The following CFHR4 variants were observed in gnomAD, a reference collection of about 807,000 sequenced individuals.
CFHR4 encodes the protein complement factor H-related protein 4.
In CFHR4, 64 loss-of-function variants were observed where a neutral mutation model predicts 69.3. That is an observed-to-expected ratio of 0.92 (90% CI 0.76 to 1.14). CFHR4 has a LOEUF of 1.14. Among genes scored for constraint, CFHR4 ranks in the 50% most tolerant of loss-of-function variants. The pLI is 0.00. For synonymous variants in CFHR4, 244 were observed against 237.0 expected, an observed-to-expected ratio of 1.03 and a Z score of -0.27; for missense variants, 636 against 684.9, an observed-to-expected ratio of 0.93 and a Z score of 0.80.
chr1:196,902,069 A>AGGG (rs1657645284), intron 1 of CFHR4, among the ~76,000 whole-genome samples: 1 of 151,534 alleles, frequency 6.6e-6, no homozygotes. Flanking sequence ...AAGAACAGGC[A>AGGG]GGGCTCTGAT....
chr1:196,897,016 A>G (rs974256491), intron 1 of CFHR4, among the ~76,000 whole-genome samples: 2 of 151,652 alleles, frequency 1.3e-5, no homozygotes, highest in Non-Finnish European at 2.9e-5. Context: ...TTAGGTATCA[A>G]ACATAAACAC....
At chr1:196,904,234 A>G (rs1400554836) in intron 2 of CFHR4, among the ~76,000 whole-genome samples, 2 of 151,636 alleles carry the variant, frequency 1.3e-5, no homozygotes, top group Non-Finnish European at 2.9e-5. Flanking sequence ...TACGAGAGAA[A>G]CTGAATACTG....
intron 5 of CFHR4, 116 bp from the exon 6 acceptor site, chr1:196,910,165 A>G (rs1658173159): frequency 1.5e-6 from 1 of 675,416 alleles, no homozygotes; most frequent in East Asian, 3.0e-5. Flanking sequence ...AAAAAAAAAA[A>G]GTAAAGAAAA....
rs1001400425 is a variant in CFHR4 at position 196,918,603 on chromosome 1, C to T, written c.*197C>T. 1.8e-6 allele frequency: 1 copy of T among 547,276 alleles called. No individual in the cohort carries two copies. The highest frequency in any genetic ancestry group is 1.9e-5 in the African/African-American group (1 of 51,750). The allele number at this position is 547,276 out of a possible 1,614,324, so 33.9% of individuals were successfully genotyped here. On this transcript the variant is annotated 3_prime_UTR_variant, in exon 10 of 10. Transcript: ENST00000608469. ...AACTAAATTATTGCTTATGCTTGTACTAAAATAATAAAAACTACCCTTATA... is the reference window on the plus strand; with the variant it reads ...AACTAAATTATTGCTTATGCTTGTATTAAAATAATAAAAACTACCCTTATA...
chr1:196,908,612 C>A (rs1054836774), intron 5 of CFHR4, among the ~76,000 whole-genome samples: 1 of 150,530 alleles, frequency 6.6e-6, no homozygotes, highest in Non-Finnish European at 1.5e-5. Context: ...ATCCTATGAA[C>A]TTGAAGAAAC....
At position 196,914,479 on chromosome 1, in the gene CFHR4, T is replaced by G; in HGVS notation, c.1181-16T>G. The G allele has an allele frequency of 6.2e-7, 1 of 1,602,568 alleles. No individual in the cohort carries two copies. The highest frequency in any genetic ancestry group is 1.1e-5 in the South Asian group (1 of 89,482). On this transcript the variant is annotated splice_polypyrimidine_tract_variant and intron_variant, in intron 7 of 9. Transcript: ENST00000608469. ...TATGGCATAGAAAAGCAATCCTCAA[T>G]TTTATTTTGTTTCAGAATTTTGTGA... is the stretch of plus-strand genomic sequence containing the variant.
At chr1:196,897,854 G>A (rs1377008055) in intron 1 of CFHR4, among the ~76,000 whole-genome samples, 1 of 151,326 alleles carries the variant, frequency 6.6e-6, no homozygotes, top group African/African-American at 2.4e-5. Context: ...ATTTAGGGTC[G>A]GGGTGGGGCC....
At chr1:196,893,574 CTT>C (rs1385825000) in intron 1 of CFHR4, among the ~76,000 whole-genome samples, 1 of 151,462 alleles carries the variant, frequency 6.6e-6, no homozygotes, top group Non-Finnish European at 1.5e-5. Context: ...TAATTTTTGA[CTT>C]AAGCTCACAA....
intron 2 of CFHR4, among the ~76,000 whole-genome samples, chr1:196,903,904 G>A (rs1354561988): frequency 3.3e-5 from 5 of 151,418 alleles, no homozygotes; most frequent in Non-Finnish European, 7.4e-5. Flanking sequence ...ATGCTCTGTC[G>A]CTTTAAATGA....
At chr1:196,889,048 G>A (rs1656883724) in intron 1 of CFHR4, among the ~76,000 whole-genome samples, 1 of 151,354 alleles carries the variant, frequency 6.6e-6, no homozygotes, top group Admixed American at 6.6e-5. Context: ...TCAAAGGTGT[G>A]TCACCATTAA....
chr1:196,910,266 G>C lies in CFHR4; in HGVS notation c.800-15G>C, dbSNP rs773940527. The C allele has an allele frequency of 6.6e-7, 1 of 1,509,186 alleles. No individual in the cohort carries two copies. Among genetic ancestry groups the C allele is most frequent in the South Asian group, 1.3e-5 (1 of 76,836 alleles). 93.5% of individuals were successfully genotyped at this position (1,509,186 alleles called of 1,614,324 possible). A position where few individuals can be genotyped will look rare whatever the true frequency, so the allele number is the denominator to read the frequency against. ...GTGAAACATTATTTATACTATTTTTGTTTTTTGTTACAAGCAATGAAACCT... is the reference window on the plus strand; with the variant it reads ...GTGAAACATTATTTATACTATTTTTCTTTTTTGTTACAAGCAATGAAACCT... On this transcript the variant is annotated splice_polypyrimidine_tract_variant and intron_variant, in intron 5 of 9. Coordinates refer to ENST00000608469, the MANE Select transcript of CFHR4 (RefSeq NM_001201550.3).
At chr1:196,892,853 G>A (rs1046647943) in intron 1 of CFHR4, among the ~76,000 whole-genome samples, 3 of 151,198 alleles carry the variant, frequency 2.0e-5, no homozygotes, top group Non-Finnish European at 4.4e-5. Flanking sequence ...TTTACCTAGT[G>A]GAAACAACAT....
At position 196,909,876 on chromosome 1, in the gene CFHR4, G is replaced by A. The variant is rs148031133; in HGVS notation, c.800-405G>A. On this transcript the variant is annotated intron_variant, in intron 5 of 9. Coordinates refer to ENST00000608469, the MANE Select transcript of CFHR4 (RefSeq NM_001201550.3). ...AAAAATCTAAAAGAAAACCAGCCAG[G>A]CGCGGTGGCTCACACCTGTAATCCC... Among the ~76,000 whole-genome samples, 416 of 151,102 alleles carry A rather than the reference G, an allele frequency of 2.8e-3. 17 individuals carry two copies. Among genetic ancestry groups the A allele is most frequent in the East Asian group, 6.4e-3 (33 of 5,154 alleles).
At chr1:196,910,186 T>A in intron 5 of CFHR4, 95 bp from the exon 6 acceptor site, 1 of 710,902 alleles carries the variant, frequency 1.4e-6, no homozygotes, top group Non-Finnish European at 2.1e-6. Context: ...AAAAAAACAT[T>A]ATTTGGAAGG....
chr1:196,908,696 T>C (rs1033359509), intron 5 of CFHR4, among the ~76,000 whole-genome samples: 2 of 151,428 alleles, frequency 1.3e-5, no homozygotes, highest in Admixed American at 6.6e-5. Flanking sequence ...GCCACAAATT[T>C]CTACTAGCCT....
intron 1 of CFHR4, among the ~76,000 whole-genome samples, chr1:196,889,345 G>A (rs922892599): frequency 1.1e-4 from 16 of 151,450 alleles, no homozygotes; most frequent in African/African-American, 1.7e-4. Flanking sequence ...TAACTAAACT[G>A]CTACAGGCAC....
intron 9 of CFHR4, among the ~76,000 whole-genome samples, chr1:196,915,641 T>C (rs997104904): frequency 1.0e-4 from 14 of 138,032 alleles, no homozygotes; most frequent in Non-Finnish European, 1.9e-4. Context: ...TCTCCAAAAA[T>C]AAAAAAATAA....
At chr1:196,913,318 G>A (rs1295343775) in intron 7 of CFHR4, among the ~76,000 whole-genome samples, 2 of 151,456 alleles carry the variant, frequency 1.3e-5, no homozygotes, top group Admixed American at 6.6e-5. Context: ...GTACATGTCG[G>A]GGGAGAAATG....
At chr1:196,898,720 T>G (rs1657437416) in intron 1 of CFHR4, among the ~76,000 whole-genome samples, 1 of 151,526 alleles carries the variant, frequency 6.6e-6, no homozygotes. Context: ...GGGAGTGACT[T>G]TACTGTTTAG....
Sources: allele counts gnomAD v4.1 joint callset (sites outside exome capture counted in the v4.1 genomes callset), GRCh38; gene constraint gnomAD v4.1.1; transcripts MANE v1.5; gene names NCBI Gene and HGNC (gene_info 2026-07-23, HGNC 2026-07-21).